Variants in SCUBE2 observed in about 807,000 individuals in gnomAD.
SCUBE2 encodes signal peptide, CUB domain and EGF like domain containing 2.
A neutral mutation model predicts 125.9 loss-of-function variants in SCUBE2; 114 were observed. The ratio of observed to expected loss-of-function variants is 0.91; its 90% confidence interval spans 0.78 to 1.06. The LOEUF (loss-of-function observed/expected upper bound fraction) is 1.06. SCUBE2 is among the 50% of genes least tolerant of loss of function. The probability of loss-of-function intolerance (pLI) is 0.00; values close to 1 mark genes in which losing one functional copy is unlikely to be tolerated. For synonymous variants in SCUBE2, 459 were observed against 492.9 expected, an observed-to-expected ratio of 0.93 and a Z score of 0.91; for missense variants, 1,255 against 1,301.8, an observed-to-expected ratio of 0.96 and a Z score of 0.55.
At position 9,048,011 on chromosome 11, in the gene SCUBE2, G is replaced by T; in HGVS notation, c.1727C>A (p.Pro576Gln). ...GKQVPGAPGRPSTPKEMFITV... is the reference protein window; with the variant it reads ...GKQVPGAPGRQSTPKEMFITV... ...GATAAACATTTCCTTAGGGGTGCTT[G>T]GTCGGCCAGGGGCTCCTGGGACTTG... The change falls in exon 15 of 23, where the codon CCA (proline) becomes CAA (glutamine). Residue 576 changes from proline (P) to glutamine (Q), a missense_variant. Physicochemically the swap from Pro to Gln is moderately conservative, Grantham distance 76. Coordinates refer to ENST00000649792, the MANE Select transcript of SCUBE2 (RefSeq NM_001367977.2). 5 of 1,614,190 alleles carry T rather than the reference G, an allele frequency of 3.1e-6. No homozygotes were observed. The highest frequency in any genetic ancestry group is 1.3e-5 in the African/African-American group (1 of 75,062).
chr11:9,064,111 G>A (rs1239217418), intron 7 of SCUBE2, among the ~76,000 whole-genome samples: 1 of 152,060 alleles, frequency 6.6e-6, no homozygotes, highest in African/African-American at 2.4e-5. Context: ...AGCAGTGAGA[G>A]CTAAATCCTA....
intron 9 of SCUBE2, among the ~76,000 whole-genome samples, chr11:9,059,050 C>A (rs1282172005): frequency 1.8e-4 from 28 of 152,240 alleles, no homozygotes; most frequent in African/African-American, 4.8e-4. Flanking sequence ...GCAGTGAGCT[C>A]TGCTGTCATC....
In SCUBE2 at chr11:9,037,352, C is replaced by G. The variant is rs555887930; in HGVS notation, c.2003-3556G>C. Among the ~76,000 whole-genome samples, 25 of 152,260 alleles carry G rather than the reference C, an allele frequency of 1.6e-4. 1 individual carries two copies. In the South Asian group the frequency reaches 4.8e-3, roughly 29 times the overall value. ...TTTTTCTCCTTCTTTAAAAAAGATA[C>G]GAGAAAGCTTTTCTGATGCAAAAGG... On this transcript the variant is annotated intron_variant, in intron 16 of 22. Coordinates refer to ENST00000649792, the MANE Select transcript of SCUBE2 (RefSeq NM_001367977.2).
chr11:9,044,917 T>G (rs978984030), intron 16 of SCUBE2, among the ~76,000 whole-genome samples: 1 of 152,212 alleles, frequency 6.6e-6, no homozygotes, highest in Non-Finnish European at 1.5e-5. Context: ...CAGTCTGCAC[T>G]TTGGGGGAGT....
At chr11:9,028,278 C>T (rs1386456335) in intron 19 of SCUBE2, among the ~76,000 whole-genome samples, 1 of 152,144 alleles carries the variant, frequency 6.6e-6, no homozygotes, top group Non-Finnish European at 1.5e-5. Flanking sequence ...CTCAAGCTAT[C>T]CCGGCCTTGT....
At chr11:9,055,621 G>C (rs1859003334) in intron 10 of SCUBE2, among the ~76,000 whole-genome samples, 172 bp downstream of exon 10, 1 of 152,248 alleles carries the variant, frequency 6.6e-6, no homozygotes, top group African/African-American at 2.4e-5. Context: ...CATGTGGGGA[G>C]ATTTCCTTTA....
intron 14 of SCUBE2, chr11:9,050,378 A>G (rs1858222678): frequency 3.9e-6 from 2 of 516,086 alleles, no homozygotes; most frequent in Middle Eastern, 5.2e-4. Context: ...CAACTATACC[A>G]TGCAAAGGAA....
In SCUBE2 at chr11:9,047,810, T is replaced by G. The variant is rs528566191; in HGVS notation, c.1795+133A>C. ...GGTTCCAAACCAATTCAGTTTAGTT[T>G]CGGGGTGAAAAAAAACAGGAGATAC... On this transcript the variant is annotated intron_variant, in intron 15 of 22. Coordinates refer to ENST00000649792, the MANE Select transcript of SCUBE2 (RefSeq NM_001367977.2). The G allele has an allele frequency of 3.8e-5, 44 of 1,156,298 alleles. No individual in the cohort carries two copies. The African/African-American group carries it at 6.3e-4, about 17-fold the overall frequency. The allele number at this position is 1,156,298 out of a possible 1,614,324, so 71.6% of individuals were successfully genotyped here.
In SCUBE2 at chr11:9,033,707, T is replaced by G; in HGVS notation, c.2092A>C (p.Met698Leu). ...NGTFQNEEGQ[M>L]TCEPCPRPGN... ...GGTCTTGGGCATGGTTCACAAGTCA[T>G]TTGTCCTTCCTCATTTTGGAAGGTT... Residue 698 changes from methionine to leucine, a missense_variant, in exon 17 of 23, where the codon ATG becomes CTG. This residue lies in a region of SCUBE2 where 515 missense variants were observed against 515.7 expected (regional missense o/e 1.00). Transcript: ENST00000649792. 1 of 1,614,102 alleles carries G rather than the reference T, an allele frequency of 6.2e-7. No individual in the cohort carries two copies. Among genetic ancestry groups the G allele is most frequent in the Non-Finnish European group, 8.5e-7 (1 of 1,180,022 alleles).
Position 9,020,942 on chromosome 11 carries a change from C to T in SCUBE2, c.*103G>A, listed in dbSNP as rs34215951. The T allele has an allele frequency of 1.6e-3, 1,634 of 1,007,112 alleles. 14 individuals are homozygous for T. The African/African-American group carries it at 0.024, about 15-fold the overall frequency. 62.4% of individuals were successfully genotyped at this position (1,007,112 alleles called of 1,614,324 possible). A position where few individuals can be genotyped will look rare whatever the true frequency, so the allele number is the denominator to read the frequency against. ...ATTGAACTCTAATGAGTCACTGATA[C>T]GGGAGGCAGCAATACCCGACTGTGC... On this transcript the variant is annotated 3_prime_UTR_variant, in exon 23 of 23. Transcript: ENST00000649792.
At chr11:9,021,348 C>A in intron 22 of SCUBE2, 151 bp from the exon 23 acceptor site, 1 of 535,780 alleles carries the variant, frequency 1.9e-6, no homozygotes, top group Non-Finnish European at 3.0e-6. Flanking sequence ...TATCTTCTTT[C>A]CAGTTTTTAT....
chr11:9,066,649 C>A (rs1433390612), intron 6 of SCUBE2, 48 bp downstream of exon 6: 1 of 1,461,376 alleles, frequency 6.8e-7, no homozygotes, highest in South Asian at 1.1e-5. Flanking sequence ...GGGGTAGGGA[C>A]AGGCAGGCTG....
chr11:9,035,617 A>G (rs1856688493), intron 16 of SCUBE2, among the ~76,000 whole-genome samples: 1 of 152,182 alleles, frequency 6.6e-6, no homozygotes, highest in African/African-American at 2.4e-5. Context: ...CCTATTCTAC[A>G]AATGCAATTT....
chr11:9,038,460 G>A (rs975819486), intron 16 of SCUBE2, among the ~76,000 whole-genome samples: 8 of 152,116 alleles, frequency 5.3e-5, no homozygotes, highest in Non-Finnish European at 1.5e-5. Flanking sequence ...GAAATATAGT[G>A]AGACCTCGTC....
Position 9,091,538 on chromosome 11 carries a change from A to C in SCUBE2, c.-10T>G. 1 of 712,574 alleles carries C rather than the reference A, an allele frequency of 1.4e-6. No homozygotes were observed. The highest frequency in any genetic ancestry group is 1.9e-6 in the Non-Finnish European group (1 of 527,466). The allele number at this position is 712,574 out of a possible 1,614,324, so 44.1% of individuals were successfully genotyped here. A position where few individuals can be genotyped will look rare whatever the true frequency, so the allele number is the denominator to read the frequency against. On this transcript the variant is annotated 5_prime_UTR_variant, in exon 1 of 23. Coordinates refer to ENST00000649792, the MANE Select transcript of SCUBE2 (RefSeq NM_001367977.2). The surrounding 1 kb of genome is among the most constrained non-coding windows in gnomAD (Gnocchi z 8.5). ...GGCCCGCGACCCCCATGGATGGCTCAGCGGTTGCGGGCAGAGGCGGCGGAG... is the reference window on the plus strand; with the variant it reads ...GGCCCGCGACCCCCATGGATGGCTCCGCGGTTGCGGGCAGAGGCGGCGGAG...
rs114995081 is a variant in SCUBE2, at chr11:9,082,231, A to G, written c.257-2722T>C. Among the ~76,000 whole-genome samples, 106 of 152,314 alleles carry G rather than the reference A, an allele frequency of 7.0e-4. 1 individual carries two copies. Among genetic ancestry groups the G allele is most frequent in the African/African-American group, 2.5e-3 (103 of 41,582 alleles). ...TAACAGTTCTCTACCTATTCTGGATATTAATCCCTTATAAGATACATGATT... is the reference window on the plus strand; with the variant it reads ...TAACAGTTCTCTACCTATTCTGGATGTTAATCCCTTATAAGATACATGATT... On this transcript the variant is annotated intron_variant, in intron 2 of 22. Transcript: ENST00000649792.
chr11:9,047,653 C>T (rs1566194015), intron 15 of SCUBE2, 91 bp from the exon 16 acceptor site: 7 of 1,315,678 alleles, frequency 5.3e-6, no homozygotes, highest in South Asian at 3.8e-5. Flanking sequence ...ACCAACACCC[C>T]GAGCTCCCTG....
intron 18 of SCUBE2, chr11:9,030,299 A>G (rs1856191208): frequency 1.9e-6 from 1 of 522,682 alleles, no homozygotes; most frequent in Non-Finnish European, 3.4e-6. Flanking sequence ...AGAGTCAGGC[A>G]TCAATGATCA....
intron 7 of SCUBE2, among the ~76,000 whole-genome samples, chr11:9,064,282 C>G (rs954475813): frequency 2.0e-4 from 31 of 152,116 alleles, no homozygotes; most frequent in Non-Finnish European, 4.1e-4. Context: ...GCCTGGGCAA[C>G]AGGGCAAAAC....
Sources: allele counts gnomAD v4.1 joint callset (sites outside exome capture counted in the v4.1 genomes callset), GRCh38; gene constraint gnomAD v4.1.1; regional missense constraint gnomAD v4.1.1; non-coding constraint Gnocchi (gnomAD v3.1); transcripts MANE v1.5; gene names NCBI Gene and HGNC (gene_info 2026-07-23, HGNC 2026-07-21).